Variants in GNAT3 observed in about 807,000 individuals in gnomAD.
The protein encoded by GNAT3 is G protein subunit alpha transducin 3, also known as guanine nucleotide-binding protein G(t) subunit alpha-3.
GNAT3 carries 31 observed loss-of-function variants against 37.7 expected under a neutral mutation model. The observed-to-expected ratio is 0.82, with a 90% CI of 0.62 to 1.11. GNAT3 has a LOEUF of 1.11. Among genes scored for constraint, GNAT3 ranks in the 50% most tolerant of loss-of-function variants. The pLI, the probability that GNAT3 is intolerant of heterozygous loss-of-function variation, is 0.00. For missense variants in GNAT3, 437 were observed against 412.5 expected (o/e 1.06, Z -0.51); for synonymous variants, 138 against 139.8 (o/e 0.99, Z 0.09).
intron 7 of GNAT3, among the ~76,000 whole-genome samples, chr7:80,461,165 T>C (rs1790042779): frequency 6.6e-6 from 1 of 152,046 alleles, no homozygotes; most frequent in African/African-American, 2.4e-5. Flanking sequence ...CCAATGTAAG[T>C]ATTTGTTTTG....
At chr7:80,487,427 T>C (rs1049903521) in intron 3 of GNAT3, among the ~76,000 whole-genome samples, 44 of 152,170 alleles carry the variant, frequency 2.9e-4, no homozygotes, top group Admixed American at 1.2e-3. Context: ...ACTATCTGCC[T>C]GAAGGCCATA....
At chr7:80,484,131 TA>T (rs1790437573) in intron 3 of GNAT3, among the ~76,000 whole-genome samples, 1 of 152,048 alleles carries the variant, frequency 6.6e-6, no homozygotes, top group African/African-American at 2.4e-5. Flanking sequence ...GTATAGAAAA[TA>T]AAATATGTGT....
At chr7:80,503,095 T>G (rs550403750) in intron 1 of GNAT3, among the ~76,000 whole-genome samples, 26 of 152,110 alleles carry the variant, frequency 1.7e-4, no homozygotes, top group Non-Finnish European at 3.5e-4. Context: ...GTTACATAGT[T>G]AAAAAACCTA....
intron 1 of GNAT3, among the ~76,000 whole-genome samples, chr7:80,506,003 G>C (rs1251419722): frequency 6.6e-6 from 1 of 152,168 alleles, no homozygotes; most frequent in Non-Finnish European, 1.5e-5. Flanking sequence ...TTAAACGGAA[G>C]TATATTTTAT....
intron 5 of GNAT3, among the ~76,000 whole-genome samples, chr7:80,465,207 A>G (rs75821317): frequency 2.0e-5 from 3 of 152,090 alleles, no homozygotes; most frequent in Non-Finnish European, 4.4e-5. Flanking sequence ...CTGGAGTTTT[A>G]TTTCTTTCTT....
At chr7:80,460,729 C>A (rs193123065) in intron 7 of GNAT3, among the ~76,000 whole-genome samples, 1 of 150,058 alleles carries the variant, frequency 6.7e-6, no homozygotes, top group African/African-American at 2.4e-5. Context: ...GCCTGGGCAA[C>A]AGGGTGAGAC....
intron 7 of GNAT3, among the ~76,000 whole-genome samples, chr7:80,460,587 A>T (rs1466349816): frequency 1.3e-5 from 2 of 152,108 alleles, no homozygotes; most frequent in East Asian, 3.9e-4. Context: ...GTCTCTACTA[A>T]AAGTACAATA....
intron 1 of GNAT3, among the ~76,000 whole-genome samples, chr7:80,496,401 G>C (rs1350025885): frequency 1.3e-5 from 2 of 152,152 alleles, no homozygotes; most frequent in African/African-American, 4.8e-5. Flanking sequence ...AAAGTGCTGG[G>C]ATTGTAGGCA....
chr7:80,495,400 T>G (rs1790697084), intron 1 of GNAT3, among the ~76,000 whole-genome samples: 1 of 152,122 alleles, frequency 6.6e-6, no homozygotes, highest in African/African-American at 2.4e-5. Flanking sequence ...TGTTGTTTTT[T>G]GACTTTTTAA....
At chr7:80,510,195 G>A (rs1392587278) in intron 1 of GNAT3, among the ~76,000 whole-genome samples, 1 of 151,988 alleles carries the variant, frequency 6.6e-6, no homozygotes, top group Non-Finnish European at 1.5e-5. Context: ...CGTCACAACT[G>A]AATCTCTAGT....
Position 80,511,849 on chromosome 7 carries a change from A to C in GNAT3, c.78T>G (p.Asp26Glu). 6.2e-7 allele frequency: 1 copy of C among 1,612,274 alleles called. No homozygotes were observed. Residue 26 changes from aspartate (D) to glutamate (E), a missense_variant, in exon 1 of 8, where the codon GAT becomes GAG. Physicochemically the swap from Asp to Glu is conservative, Grantham distance 45. Transcript: ENST00000398291. ...SKELEKKLQE[D>E]AERDARTVKL... is the part of the protein sequence containing the mutation. ...TTACGGTTCTTGCATCTCGCTCAGC[A>C]TCCTCCTGAAGCTTTTTCTCCAGTT...
At chr7:80,474,477 G>A (rs965028382) in intron 4 of GNAT3, 98 bp from the exon 5 acceptor site, 9 of 423,406 alleles carry the variant, frequency 2.1e-5, no homozygotes, top group Non-Finnish European at 3.2e-5. Context: ...ATATGTGTGT[G>A]TATATATATA....
At chr7:80,460,459 A>G (rs2094396824) in intron 7 of GNAT3, among the ~76,000 whole-genome samples, 1 of 152,178 alleles carries the variant, frequency 6.6e-6, no homozygotes, top group Admixed American at 6.5e-5. Flanking sequence ...ACCCTAATTA[A>G]ATGATGGACT....
chr7:80,466,912 C>A (rs1790137304), intron 5 of GNAT3, among the ~76,000 whole-genome samples: 1 of 152,040 alleles, frequency 6.6e-6, no homozygotes. Context: ...AGGAATAATA[C>A]CTTACGGTTG....
chr7:80,505,196 G>C (rs565102093), intron 1 of GNAT3, among the ~76,000 whole-genome samples: 48 of 152,224 alleles, frequency 3.2e-4, no homozygotes, highest in African/African-American at 1.1e-3. Context: ...TGTCAATTAA[G>C]GTAGAAGATT....
At chr7:80,503,330 C>T (rs1200560315) in intron 1 of GNAT3, among the ~76,000 whole-genome samples, 3 of 152,134 alleles carry the variant, frequency 2.0e-5, no homozygotes, top group African/African-American at 7.2e-5. Flanking sequence ...CAGATATGTT[C>T]TTTGTTCTCA....
In GNAT3 at chr7:80,461,246, T is replaced by C. The variant is rs138930144; in HGVS notation, c.874+913A>G. 2.1e-3 allele frequency among the ~76,000 whole-genome samples: 326 copies of C among 152,250 alleles called. 2 individuals are homozygous for C. The highest frequency in any genetic ancestry group is 7.1e-3 in the African/African-American group (293 of 41,548). ...TAAGTGGTAAAACTGGATTTGTATT[T>C]TTGTTTAAATCATAAATATGGCTGG... is the stretch of plus-strand genomic sequence containing the variant. On this transcript the variant is annotated intron_variant, in intron 7 of 7. Coordinates refer to ENST00000398291, the MANE Select transcript of GNAT3 (RefSeq NM_001102386.3).
At chr7:80,468,616 C>G (rs112537251) in intron 5 of GNAT3, among the ~76,000 whole-genome samples, 1,756 of 152,186 alleles carry the variant, frequency 0.012, 29 homozygotes, top group African/African-American at 0.033. Context: ...CTTCACTACA[C>G]ACCCATAGCA....
At chr7:80,503,991 T>C (rs1055444009) in intron 1 of GNAT3, among the ~76,000 whole-genome samples, 12 of 152,108 alleles carry the variant, frequency 7.9e-5, no homozygotes, top group Non-Finnish European at 1.8e-4. Context: ...TACAGGGATA[T>C]AAAATTGAGG....
Sources: gnomAD v4.1 joint callset for allele counts (sites outside exome capture counted in the v4.1 genomes callset) on GRCh38, gnomAD v4.1.1 for gene constraint, MANE v1.5 for transcripts, NCBI Gene and HGNC (gene_info 2026-07-23, HGNC 2026-07-21) for gene names.